The following ZNF37A variants were observed in gnomAD, a reference collection of about 807,000 sequenced individuals.
ZNF37A encodes zinc finger protein 37a (KOX 21).
A neutral mutation model predicts 12.3 loss-of-function variants in ZNF37A; 10 were observed. The observed-to-expected ratio is 0.82, with a 90% CI of 0.50 to 1.38. The LOEUF is 1.38. ZNF37A is among the 40% of genes most tolerant of loss of function. The probability of loss-of-function intolerance (pLI) is 0.00; values close to 1 mark genes in which losing one functional copy is unlikely to be tolerated. For missense variants in ZNF37A, 580 were observed against 651.2 expected (o/e 0.89, Z 1.19); for synonymous variants, 207 against 223.0 (o/e 0.93, Z 0.64).
At chr10:38,148,892 C>T (rs2070290735) in exon 8 of ZNF37A, 1 of 151,296 alleles carries the variant, frequency 6.6e-6, no homozygotes, top group Non-Finnish European at 1.5e-5. Context: ...GGTTGGAGTG[C>T]AGTGGTACAA....
chr10:38,107,690 G>T (rs999847721), intron 5 of ZNF37A, among the ~76,000 whole-genome samples: 24 of 152,110 alleles, frequency 1.6e-4, no homozygotes, highest in African/African-American at 5.8e-4. Context: ...AGCAAAAGAA[G>T]CAGGTGTTAC....
chr10:38,118,706 G>C lies in ZNF37A; in HGVS notation c.1555G>C (p.Gly519Arg). ...KLIAHHRTHT[G>R]EKPYECNVCG... ...CATTGCACATCATAGAACACACACA[G>C]GGGAGAAACCCTATGAATGTAATGT... Residue 519 changes from glycine to arginine, a missense_variant, in exon 8 of 8, where the codon GGG (glycine) becomes CGG (arginine). By Grantham distance (125) the Gly-to-Arg change is moderately radical. Coordinates refer to ENST00000685332, the MANE Select transcript of ZNF37A (RefSeq NM_001324250.3). 1.2e-6 allele frequency: 2 copies of C among 1,613,738 alleles called. No individual in the cohort carries two copies. The highest frequency in any genetic ancestry group is 1.1e-5 in the South Asian group (1 of 91,066).
intron 7 of ZNF37A, among the ~76,000 whole-genome samples, chr10:38,136,166 G>T (rs2070105080): frequency 6.6e-6 from 1 of 152,004 alleles, no homozygotes; most frequent in Admixed American, 6.6e-5. Context: ...TTTTGAGATG[G>T]AGTTTCACTC....
At position 38,123,632 on chromosome 10, in the gene ZNF37A, A is replaced by G. The variant is rs1321758205; in HGVS notation, c.*4795A>G. On this transcript the variant is annotated 3_prime_UTR_variant, in exon 8 of 8. Coordinates refer to ENST00000685332, the MANE Select transcript of ZNF37A (RefSeq NM_001324250.3). Reference sequence around the variant, plus strand: ...TCACAACCAGAATATATAAGGAGCTATAACAATTCTATAGAAAAAAAAATC... The same window carrying G: ...TCACAACCAGAATATATAAGGAGCTGTAACAATTCTATAGAAAAAAAAATC... 1.3e-5 allele frequency: 2 copies of G among 152,220 alleles called. No homozygotes were observed. The highest frequency in any genetic ancestry group is 2.4e-5 in the African/African-American group (1 of 41,478). The allele number at this position is 152,220 out of a possible 1,614,324, so 9.4% of individuals were successfully genotyped here.
At chr10:38,135,650 A>G (rs1415149511) in intron 7 of ZNF37A, among the ~76,000 whole-genome samples, 1 of 152,244 alleles carries the variant, frequency 6.6e-6, no homozygotes, top group African/African-American at 2.4e-5. Context: ...TTAAAAAGAA[A>G]AGAGGTTTAA....
At chr10:38,115,000 G>T in intron 6 of ZNF37A, 119 bp downstream of exon 6, 1 of 1,387,842 alleles carries the variant, frequency 7.2e-7, no homozygotes, top group East Asian at 2.4e-5. Flanking sequence ...AGAGGTCAAG[G>T]ACAATTTATC....
intron 7 of ZNF37A, among the ~76,000 whole-genome samples, chr10:38,116,045 G>C (rs969198715): frequency 4.6e-5 from 7 of 152,178 alleles, no homozygotes; most frequent in African/African-American, 1.7e-4. Flanking sequence ...ACTGCAGCCT[G>C]GGTGACAGAG....
intron 5 of ZNF37A, among the ~76,000 whole-genome samples, chr10:38,107,169 T>G (rs994918450): frequency 1.3e-5 from 2 of 151,978 alleles, no homozygotes; most frequent in African/African-American, 4.8e-5. Context: ...ACAGAAACCC[T>G]ACAAGCCATA....
At chr10:38,110,585 A>C (rs1304097979) in intron 5 of ZNF37A, among the ~76,000 whole-genome samples, 1 of 152,240 alleles carries the variant, frequency 6.6e-6, no homozygotes, top group African/African-American at 2.4e-5. Context: ...CAATCTATCC[A>C]TCTGACATAG....
intron 5 of ZNF37A, among the ~76,000 whole-genome samples, chr10:38,102,751 A>G (rs1299346171): frequency 1.3e-5 from 2 of 152,100 alleles, no homozygotes; most frequent in African/African-American, 4.8e-5. Context: ...GTACTAACAC[A>G]TTCTCTCAGA....
Position 38,140,939 on chromosome 10 carries a change from G to A in ZNF37A, c.239-5793G>A, listed in dbSNP as rs1465742835. The A allele has an allele frequency of 1.1e-4, 17 of 152,222 alleles. No homozygotes were observed. In the East Asian group the frequency reaches 2.9e-3, roughly 26 times the overall value. 9.4% of individuals were successfully genotyped at this position (152,222 alleles called of 1,614,324 possible). ...TGTTAATTAAATGAATGAGAAGGAAGAGACTAATCTTTCCCATGGAAGAAT... is the reference window on the plus strand; with the variant it reads ...TGTTAATTAAATGAATGAGAAGGAAAAGACTAATCTTTCCCATGGAAGAAT... On this transcript the variant is annotated intron_variant, in intron 7 of 7. Coordinates refer to the ZNF37A transcript ENST00000638053.
intron 4 of ZNF37A, among the ~76,000 whole-genome samples, chr10:38,096,078 TG>T (rs2067131257): frequency 1.3e-5 from 2 of 151,920 alleles, no homozygotes; most frequent in Non-Finnish European, 2.9e-5. Flanking sequence ...CCCAGCGACT[TG>T]GGAGGCTGAG....
intron 7 of ZNF37A, among the ~76,000 whole-genome samples, chr10:38,146,532 A>G (rs2070257164): frequency 6.6e-6 from 1 of 152,180 alleles, no homozygotes; most frequent in East Asian, 1.9e-4. Context: ...TGACAAAGAT[A>G]CTTGATTTCT....
At chr10:38,112,137 AAAAAAAAACT>A (rs1564930829) in intron 5 of ZNF37A, among the ~76,000 whole-genome samples, 1 of 127,862 alleles carries the variant, frequency 7.8e-6, no homozygotes, top group East Asian at 2.5e-4. Flanking sequence ...ACCACCAAAA[AAAAAAAAACT>A]AAAAAAAAAC....
rs777697917 is a variant in ZNF37A at position 38,118,249 on chromosome 10, T to C, written c.1098T>C (p.Phe366=). 1 of 1,612,416 alleles carries C rather than the reference T, an allele frequency of 6.2e-7. No individual in the cohort carries two copies. The highest frequency in any genetic ancestry group is 1.7e-5 in the Admixed American group (1 of 59,854). The change falls in exon 8 of 8, where the codon TTT becomes TTC. Residue 366 remains phenylalanine (F), a synonymous_variant. Coordinates refer to ENST00000685332, the MANE Select transcript of ZNF37A (RefSeq NM_001324250.3). ...ATGAATGTGGGAAAACCTTCTCATT[T>C]AAGTCAGTCCTTACTGTGCATCAGA... ...ECHECGKTFS[F]KSVLTVHQKT... is the part of the protein sequence containing the mutation.
At chr10:38,141,528 G>A (rs2136083967) in intron 7 of ZNF37A, 1 of 152,296 alleles carries the variant, frequency 6.6e-6, no homozygotes, top group African/African-American at 2.4e-5. Flanking sequence ...CTGTCACAGA[G>A]TCAAAGACAC....
Position 38,118,241 on chromosome 10 carries a change from T to TTC in ZNF37A, c.1093_1094dup (p.Phe366HisfsTer66). The TTC allele has an allele frequency of 6.2e-7, 1 of 1,613,716 alleles. No individual in the cohort carries two copies. The highest frequency in any genetic ancestry group is 1.1e-5 in the South Asian group (1 of 90,998). On this transcript the variant is annotated frameshift_variant, in exon 8 of 8. Coordinates refer to ENST00000685332, the MANE Select transcript of ZNF37A (RefSeq NM_001324250.3). LOFTEE classifies it low-confidence loss of function (END_TRUNC). ...TGAATGTCATGAATGTGGGAAAACC[T>TTC]TCTCATTTAAGTCAGTCCTTACTGT... is the stretch of plus-strand genomic sequence containing the variant.
intron 6 of ZNF37A, 81 bp from the exon 7 acceptor site, chr10:38,115,114 T>TGTGTGTGTAC (rs1554780624): frequency 9.1e-7 from 1 of 1,094,958 alleles, no homozygotes; most frequent in South Asian, 1.5e-5. Context: ...TGTGTGTGTG[T>TGTGTGTGTAC]GTACTGTTTG....
intron 7 of ZNF37A, among the ~76,000 whole-genome samples, chr10:38,132,703 C>T (rs1256922112): frequency 6.6e-6 from 1 of 152,086 alleles, no homozygotes; most frequent in African/African-American, 2.4e-5. Context: ...TTTTGTAGAT[C>T]AGGTATATCA....
Sources: gnomAD v4.1 joint callset for allele counts (sites outside exome capture counted in the v4.1 genomes callset) on GRCh38, gnomAD v4.1.1 for gene constraint, MANE v1.5 for transcripts, NCBI Gene and HGNC (gene_info 2026-07-23, HGNC 2026-07-21) for gene names.